The following SLC24A3 variants were observed in gnomAD, a reference collection of about 807,000 sequenced individuals.
SLC24A3 encodes sodium/potassium/calcium exchanger 3.
In SLC24A3, 28 loss-of-function variants were observed where a neutral mutation model predicts 75.8. The observed-to-expected ratio is 0.37, with a 90% confidence interval of 0.27 to 0.51. SLC24A3 has a LOEUF of 0.51. Ranked by LOEUF, SLC24A3 falls within the 20% of genes least tolerant of loss-of-function variation. SLC24A3 has a pLI of 0.94. For missense variants in SLC24A3, 663 were observed against 847.8 expected (o/e 0.78, Z 2.71); for synonymous variants, 372 against 334.1 (o/e 1.11, Z -1.24).
At chr20:19,284,994 G>A (rs531602957) in intron 2 of SLC24A3, among the ~76,000 whole-genome samples, 3 of 152,002 alleles carry the variant, frequency 2.0e-5, no homozygotes, top group Non-Finnish European at 4.4e-5. Flanking sequence ...AGAATTCCAT[G>A]CCATACCTCA....
At chr20:19,418,549 G>A (rs996145530) in intron 2 of SLC24A3, among the ~76,000 whole-genome samples, 1 of 151,786 alleles carries the variant, frequency 6.6e-6, no homozygotes, top group East Asian at 1.9e-4. Flanking sequence ...ACAAAAAACA[G>A]TAAATGGAAG....
chr20:19,327,426 C>T (rs568376215), intron 2 of SLC24A3, among the ~76,000 whole-genome samples: 6 of 152,354 alleles, frequency 3.9e-5, no homozygotes, highest in African/African-American at 1.2e-4. Flanking sequence ...TTGTTAACTT[C>T]ACAGACTCTT....
chr20:19,389,504 A>G (rs1986330846), intron 2 of SLC24A3, among the ~76,000 whole-genome samples: 1 of 151,362 alleles, frequency 6.6e-6, no homozygotes, highest in African/African-American at 2.4e-5. Context: ...CTTGGTTAGC[A>G]GGGTTTTGTT....
At chr20:19,705,084 T>C (rs1018481689) in intron 15 of SLC24A3, among the ~76,000 whole-genome samples, 2 of 152,186 alleles carry the variant, frequency 1.3e-5, no homozygotes, top group African/African-American at 4.8e-5. Context: ...TCCCTGAGTT[T>C]GAATCTTTGC....
chr20:19,466,553 T>C (rs1314480587), intron 2 of SLC24A3, among the ~76,000 whole-genome samples: 7 of 152,190 alleles, frequency 4.6e-5, no homozygotes, highest in Non-Finnish European at 8.8e-5. Context: ...TAATAAAATA[T>C]GTGCATTCGC....
At position 19,400,490 on chromosome 20, in the gene SLC24A3, C is replaced by T. The variant is rs190614216; in HGVS notation, c.272-114998C>T. Among the ~76,000 whole-genome samples the T allele has an allele frequency of 5.7e-4, 87 of 152,232 alleles. No homozygotes were observed. The East Asian group carries it at 8.7e-3, about 15-fold the overall frequency. ...ACTATTCCTAGCCCTGTGTGAGTGC[C>T]GGGCGCTGTGACCTCTAACCTCTTC... On this transcript the variant is annotated intron_variant, in intron 2 of 16. Transcript: ENST00000328041.
chr20:19,395,843 G>C (rs923283675), intron 2 of SLC24A3, among the ~76,000 whole-genome samples: 1 of 152,126 alleles, frequency 6.6e-6, no homozygotes, highest in African/African-American at 2.4e-5. Context: ...GTTCATGCCT[G>C]TGTTTCGAGA....
intron 1 of SLC24A3, among the ~76,000 whole-genome samples, chr20:19,253,279 G>T (rs983547630): frequency 1.3e-5 from 2 of 152,188 alleles, no homozygotes; most frequent in African/African-American, 4.8e-5. Flanking sequence ...TGCCACGCTT[G>T]GTTGCAGGAA....
chr20:19,335,274 T>C (rs1212259981), intron 2 of SLC24A3, among the ~76,000 whole-genome samples: 1 of 152,220 alleles, frequency 6.6e-6, no homozygotes, highest in Non-Finnish European at 1.5e-5. Context: ...CACGGATATA[T>C]ATCCACTGCC....
chr20:19,430,948 C>T (rs1453587577), intron 2 of SLC24A3, among the ~76,000 whole-genome samples: 4 of 150,658 alleles, frequency 2.7e-5, no homozygotes, highest in Admixed American at 6.6e-5. Context: ...CTTTGATCAG[C>T]GGTGGAGTCT....
chr20:19,488,676 C>G (rs1988162928), intron 2 of SLC24A3, among the ~76,000 whole-genome samples: 1 of 152,122 alleles, frequency 6.6e-6, no homozygotes, highest in South Asian at 2.1e-4. Context: ...TACGCAGGAC[C>G]AGAAGTGTTT....
chr20:19,584,884 C>T, intron 4 of SLC24A3, 87 bp from the exon 5 acceptor site: 2 of 1,247,444 alleles, frequency 1.6e-6, no homozygotes, highest in Admixed American at 1.9e-5. Context: ...CTTTGCTTCT[C>T]AGGGCTTGGA....
rs73275228 is a variant in SLC24A3, at chr20:19,481,063, G to C, written c.272-34425G>C. On this transcript the variant is annotated intron_variant, in intron 2 of 16. Transcript: ENST00000328041. ...GTGACTGCACAATCATAGAAGTAGT[G>C]GTCATTTTGGAGCACATTCAGGGCA... Among the ~76,000 whole-genome samples the C allele has an allele frequency of 7.5e-3, 1,149 of 152,226 alleles. 15 individuals carry two copies. Among genetic ancestry groups the C allele is most frequent in the African/African-American group, 0.026 (1,093 of 41,534 alleles).
At chr20:19,605,346 T>G (rs1372028870) in intron 6 of SLC24A3, among the ~76,000 whole-genome samples, 1 of 152,172 alleles carries the variant, frequency 6.6e-6, no homozygotes, top group Non-Finnish European at 1.5e-5. Flanking sequence ...TTTAATCACT[T>G]ACATCTACTG....
At chr20:19,454,706 A>G (rs1159373160) in intron 2 of SLC24A3, among the ~76,000 whole-genome samples, 4 of 152,254 alleles carry the variant, frequency 2.6e-5, no homozygotes, top group African/African-American at 7.2e-5. Context: ...ACCACAAAGT[A>G]TAATGAAGAA....
intron 2 of SLC24A3, among the ~76,000 whole-genome samples, chr20:19,507,307 G>T (rs898166737): frequency 6.6e-6 from 1 of 152,192 alleles, no homozygotes; most frequent in Non-Finnish European, 1.5e-5. Flanking sequence ...TTGCTGCAAG[G>T]CAAACAACGT....
chr20:19,376,919 G>T (rs1444985655), intron 2 of SLC24A3, among the ~76,000 whole-genome samples: 1 of 152,194 alleles, frequency 6.6e-6, no homozygotes, highest in African/African-American at 2.4e-5. Flanking sequence ...AAAAGTGCCA[G>T]GTGCAGGCAT....
intron 2 of SLC24A3, among the ~76,000 whole-genome samples, chr20:19,389,381 G>A (rs1319417337): frequency 6.6e-6 from 1 of 151,910 alleles, no homozygotes; most frequent in Admixed American, 6.6e-5. Context: ...ACTCCCTTTA[G>A]TATTTCTTAT....
At chr20:19,342,974 G>A (rs1985303531) in intron 2 of SLC24A3, among the ~76,000 whole-genome samples, 1 of 149,292 alleles carries the variant, frequency 6.7e-6, no homozygotes, top group Non-Finnish European at 1.5e-5. Flanking sequence ...GGAGGCTGAG[G>A]CAGGAGAATG....
Sources: allele counts gnomAD v4.1 joint callset (sites outside exome capture counted in the v4.1 genomes callset), GRCh38; gene constraint gnomAD v4.1.1; transcripts MANE v1.5; gene names NCBI Gene and HGNC (gene_info 2026-07-23, HGNC 2026-07-21).